LMF1: variants seen among roughly 807,000 people sequenced by gnomAD.
LMF1 encodes transmembrane protein 112.
Under a neutral mutation model 60.6 loss-of-function variants are expected in LMF1, and 68 were observed. The ratio of observed to expected loss-of-function variants is 1.12; its 90% CI spans 0.92 to 1.37. LMF1 has a LOEUF of 1.37. LMF1 is among the 40% of genes most tolerant of loss of function. LMF1 has a pLI of 0.00. For missense variants in LMF1, 948 were observed against 767.2 expected (o/e 1.24, Z -2.78); for synonymous variants, 418 against 324.7 (o/e 1.29, Z -3.09).
rs1331318938 is a variant in LMF1, at chr16:878,540, G to C, written c.897+1030C>G. The stretch of plus-strand genomic sequence containing the variant: ...GACGAGATTGCACCTCTGCACGGCA[G>C]GCTGTGGTGAAAACCAGAAACTACC... On this transcript the variant is annotated intron_variant, in intron 6 of 10. Transcript: ENST00000262301. This position sits in a 1 kb window ranked among gnomAD's most constrained non-coding sequence, Gnocchi z 5.2. Among the ~76,000 whole-genome samples the C allele has an allele frequency of 6.6e-6, 1 of 152,256 alleles. No homozygotes were observed. Among genetic ancestry groups the C allele is most frequent in the Non-Finnish European group, 1.5e-5 (1 of 68,044 alleles).
intron 5 of LMF1, among the ~76,000 whole-genome samples, chr16:879,985 G>A (rs528964625): frequency 6.6e-6 from 1 of 152,320 alleles, no homozygotes; most frequent in African/African-American, 2.4e-5. Flanking sequence ...TAAAAGCAAA[G>A]AATACACACC....
chr16:930,543 ACT>A (rs1028084219), intron 3 of LMF1, among the ~76,000 whole-genome samples: 1 of 152,116 alleles, frequency 6.6e-6, no homozygotes, highest in African/African-American at 2.4e-5. Context: ...ACAGAGCAAG[ACT>A]CTGCCTTGAA....
intron 2 of LMF1, among the ~76,000 whole-genome samples, chr16:940,443 G>C (rs2072070975): frequency 6.6e-6 from 1 of 151,964 alleles, no homozygotes; most frequent in East Asian, 1.9e-4. Flanking sequence ...GGTGTGGGAG[G>C]GTCCTCCCCG....
intron 3 of LMF1, chr16:931,837 C>G: frequency 1.6e-6 from 2 of 1,271,902 alleles, no homozygotes; most frequent in Non-Finnish European, 2.0e-6. Flanking sequence ...CACGAGGGCT[C>G]TCAGGCGGAA....
At chr16:946,039 A>C (rs2072231164) in intron 2 of LMF1, among the ~76,000 whole-genome samples, 1 of 152,214 alleles carries the variant, frequency 6.6e-6, no homozygotes, top group Non-Finnish European at 1.5e-5. Context: ...AAACAAGCTA[A>C]TGGTGGACAC....
chr16:931,700 C>A (rs752372769), intron 3 of LMF1: 1 of 1,287,062 alleles, frequency 7.8e-7, no homozygotes, highest in Non-Finnish European at 1.0e-6. Flanking sequence ...AGTTCAAAGA[C>A]GCATGGCTGC....
chr16:941,615 G>A (rs1346187623), intron 2 of LMF1, among the ~76,000 whole-genome samples: 2 of 152,136 alleles, frequency 1.3e-5, no homozygotes, highest in Non-Finnish European at 2.9e-5. Flanking sequence ...TTTGTTTTCA[G>A]AGTCTCACCT....
At position 853,640 on chromosome 16, in the gene LMF1, AGTAAGCTG is replaced by A. The variant is rs773176323; in HGVS notation, c.*884_*891del. ...TCTTCATTTAAACAGTGTGTTTTCG[AGTAAGCTG>A]GTAAGTGGTATAATAGGAATAGTAG... On this transcript the variant is annotated 3_prime_UTR_variant, in exon 11 of 11. Transcript: ENST00000262301. The A allele has an allele frequency of 1.4e-4, 65 of 448,412 alleles. No individual in the cohort carries two copies. The highest frequency in any genetic ancestry group is 2.5e-4 in the Non-Finnish European group (55 of 221,936). The allele number at this position is 448,412 out of a possible 1,614,324, so 27.8% of individuals were successfully genotyped here.
At chr16:921,098 C>T (rs1342868630) in intron 3 of LMF1, 2 of 152,258 alleles carry the variant, frequency 1.3e-5, no homozygotes, top group African/African-American at 4.8e-5. Flanking sequence ...GAACGGGCCC[C>T]ATCACAGACT....
chr16:861,848 TTCTTGTTCCGGA>T (rs1178333430), intron 10 of LMF1, among the ~76,000 whole-genome samples: 1 of 152,224 alleles, frequency 6.6e-6, no homozygotes, highest in Admixed American at 6.5e-5. Flanking sequence ...CAGACGTCCT[TTCTTGTTCCGGA>T]TCTGAATGGT....
intron 10 of LMF1, among the ~76,000 whole-genome samples, chr16:861,106 C>T (rs545919782): frequency 1.8e-4 from 27 of 152,198 alleles, no homozygotes; most frequent in Non-Finnish European, 3.2e-4. Flanking sequence ...AACCCACGAA[C>T]GCGGCCGTGT....
chr16:869,213 A>G lies in LMF1; in HGVS notation c.1417-157T>C. On this transcript the variant is annotated intron_variant, in intron 9 of 10. Transcript: ENST00000262301. Reference sequence around the variant, plus strand: ...CCAGCTCTTTGGCTGGGGTCCCCTTAAGGGGCTGCCTGCTTCGTGTAGCCC... The same window carrying G: ...CCAGCTCTTTGGCTGGGGTCCCCTTGAGGGGCTGCCTGCTTCGTGTAGCCC... The G allele has an allele frequency of 5.9e-6, 4 of 675,814 alleles. No individual in the cohort carries two copies. In the South Asian group the frequency reaches 6.4e-5, roughly 11 times the overall value. 41.9% of individuals were successfully genotyped at this position (675,814 alleles called of 1,614,324 possible).
At chr16:875,953 C>G in intron 6 of LMF1, among the ~76,000 whole-genome samples, 1 of 152,186 alleles carries the variant, frequency 6.6e-6, no homozygotes, top group East Asian at 1.9e-4. Flanking sequence ...TGTGGCCCCA[C>G]CCAGGTCAGG....
chr16:977,183 G>A, intron 1 of LMF1: 1 of 438,770 alleles, frequency 2.3e-6, no homozygotes, highest in Non-Finnish European at 4.6e-6. Context: ...CCAGTTCTCA[G>A]GCAGACGCCA....
rs2070698795 is a variant in LMF1 at position 897,504 on chromosome 16, A to C, written c.664-4432T>G. Among the ~76,000 whole-genome samples, 1 of 152,096 alleles carries C rather than the reference A, an allele frequency of 6.6e-6. No homozygotes were observed. The highest frequency in any genetic ancestry group is 1.5e-5 in the Non-Finnish European group (1 of 68,010). Reference sequence around the variant, plus strand: ...AGTGGCCCTTCCTCCCCACCTGTAAACACAGGGAATTACTCGCGACAGGTC... The same window carrying C: ...AGTGGCCCTTCCTCCCCACCTGTAACCACAGGGAATTACTCGCGACAGGTC... On this transcript the variant is annotated intron_variant, in intron 4 of 10. Coordinates refer to ENST00000262301, the MANE Select transcript of LMF1 (RefSeq NM_022773.4). The surrounding 1 kb of genome is among the most constrained non-coding windows in gnomAD (Gnocchi z 4.3).
At chr16:951,454 T>C (rs2151468758) in intron 2 of LMF1, among the ~76,000 whole-genome samples, 1 of 152,336 alleles carries the variant, frequency 6.6e-6, no homozygotes, top group African/African-American at 2.4e-5. Flanking sequence ...CCTGCAAGGC[T>C]GCGTGGCTTT....
In LMF1 at chr16:893,028, G is replaced by C; in HGVS notation, c.708C>G (p.Thr236=). The stretch of plus-strand genomic sequence containing the variant: ...TCACCTCATAGTGGAAGTCCATGCA[G>C]GTGAGGTCTCGCCAGCACCGGTCCC... The part of the protein sequence containing the change: ...IRGDRCWRDL[T]CMDFHYETQP... The change falls in exon 5 of 11, where the codon ACC becomes ACG. Residue 236 remains threonine (T), a synonymous_variant. Transcript: ENST00000262301. 4 of 1,551,534 alleles carry C rather than the reference G, an allele frequency of 2.6e-6. No homozygotes were observed. Among genetic ancestry groups the C allele is most frequent in the Non-Finnish European group, 3.5e-6 (4 of 1,147,528 alleles).
At position 939,822 on chromosome 16, in the gene LMF1, G is replaced by A. The variant is rs149225772; in HGVS notation, c.504-5568C>T. On this transcript the variant is annotated intron_variant, in intron 2 of 10. Coordinates refer to ENST00000262301, the MANE Select transcript of LMF1 (RefSeq NM_022773.4). ...GACCAGACAGGGAATAAAACAGGGT[G>A]CGCAGTCTGAGCCCACCTTTATTAG... Among the ~76,000 whole-genome samples the A allele has an allele frequency of 1.6e-3, 242 of 152,356 alleles. 2 individuals are homozygous for A. The highest frequency in any genetic ancestry group is 5.1e-3 in the African/African-American group (211 of 41,580).
Position 954,359 on chromosome 16 carries a change from G to C in LMF1, c.501C>G (p.Val167=), listed in dbSNP as rs1341388885. The change falls in exon 2 of 11, where the codon GTC becomes GTG. Residue 167 remains valine, a splice_region_variant and synonymous_variant. Transcript: ENST00000262301. ...ACCGCCCCATTCCTGCTACTCACCAGACATGGCCCACATTAACCAGGGACA... is the reference window on the plus strand; with the variant it reads ...ACCGCCCCATTCCTGCTACTCACCACACATGGCCCACATTAACCAGGGACA... ...LYMSLVNVGH[V]WYSFGWESQL... 2 of 1,611,498 alleles carry C rather than the reference G, an allele frequency of 1.2e-6. No homozygotes were observed. The highest frequency in any genetic ancestry group is 1.7e-4 in the Middle Eastern group (1 of 6,060).
Sources: gnomAD v4.1 joint callset for allele counts (sites outside exome capture counted in the v4.1 genomes callset) on GRCh38, gnomAD v4.1.1 for gene constraint, Gnocchi (gnomAD v3.1) non-coding constraint, MANE v1.5 for transcripts, NCBI Gene and HGNC (gene_info 2026-07-23, HGNC 2026-07-21) for gene names.